The following AP3B1 variants were observed in gnomAD, a reference collection of about 807,000 sequenced individuals.
The protein encoded by AP3B1 is AP-3 complex subunit beta-1.
A neutral mutation model predicts 132.5 loss-of-function variants in AP3B1; 61 were observed. The observed-to-expected ratio is 0.46, with a 90% confidence interval of 0.37 to 0.57. The LOEUF is 0.57. AP3B1 is among the 20% of genes least tolerant of loss of function. AP3B1 has a pLI of 0.00. For synonymous variants in AP3B1, 388 were observed against 438.3 expected, an observed-to-expected ratio of 0.89 and a Z score of 1.43; for missense variants, 1,120 against 1,289.4, an observed-to-expected ratio of 0.87 and a Z score of 2.01.
At chr5:78,283,149 G>A (rs1463192021) in intron 1 of AP3B1, among the ~76,000 whole-genome samples, 1 of 152,106 alleles carries the variant, frequency 6.6e-6, no homozygotes, top group Non-Finnish European at 1.5e-5. Flanking sequence ...AATGAGTGTA[G>A]GTACATTATC....
intron 20 of AP3B1, among the ~76,000 whole-genome samples, chr5:78,104,823 A>G (rs1246540589): frequency 2.6e-5 from 4 of 152,146 alleles, no homozygotes; most frequent in African/African-American, 9.7e-5. Context: ...CACCTAAGAG[A>G]TTCACTCAGT....
intron 22 of AP3B1, among the ~76,000 whole-genome samples, chr5:78,067,623 C>T (rs1246068914): frequency 1.3e-5 from 2 of 152,148 alleles, no homozygotes; most frequent in African/African-American, 2.4e-5. Flanking sequence ...TCACTCGAAA[C>T]CACACAACTA....
At chr5:78,122,901 C>A (rs1469355571) in intron 17 of AP3B1, among the ~76,000 whole-genome samples, 2 of 152,158 alleles carry the variant, frequency 1.3e-5, no homozygotes, top group African/African-American at 4.8e-5. Flanking sequence ...CAATCCTAAG[C>A]CAAAAGAACA....
chr5:78,151,689 A>G (rs553895912), intron 14 of AP3B1, among the ~76,000 whole-genome samples: 2 of 152,224 alleles, frequency 1.3e-5, no homozygotes, highest in South Asian at 4.1e-4. Flanking sequence ...CATCCTGGTA[A>G]CCCTGGGATA....
chr5:78,280,107 A>G (rs1748988082), intron 1 of AP3B1, among the ~76,000 whole-genome samples: 2 of 150,384 alleles, frequency 1.3e-5, no homozygotes, highest in Admixed American at 1.3e-4. Context: ...TTCAAGAACT[A>G]TAAAGTAATA....
chr5:78,184,186 A>G (rs1261293306), intron 7 of AP3B1, among the ~76,000 whole-genome samples: 1 of 151,834 alleles, frequency 6.6e-6, no homozygotes, highest in Non-Finnish European at 1.5e-5. Context: ...AAAAAATTAT[A>G]AAGTTTAAAG....
intron 12 of AP3B1, among the ~76,000 whole-genome samples, chr5:78,163,454 A>G (rs1487259947): frequency 6.6e-6 from 1 of 152,084 alleles, no homozygotes; most frequent in Non-Finnish European, 1.5e-5. Flanking sequence ...TAAAAGAATA[A>G]TAGTTACGGT....
chr5:78,007,258 A>ACCTGGT, intron 26 of AP3B1, among the ~76,000 whole-genome samples: 1 of 152,216 alleles, frequency 6.6e-6, no homozygotes, highest in Admixed American at 6.5e-5. Context: ...TCACAAACAT[A>ACCTGGT]ACATTTTTTA....
chr5:78,246,911 G>C (rs1158981776), intron 2 of AP3B1, among the ~76,000 whole-genome samples: 2 of 151,996 alleles, frequency 1.3e-5, no homozygotes, highest in African/African-American at 4.8e-5. Flanking sequence ...TAGCTGCTCA[G>C]AGCACTGATT....
intron 3 of AP3B1, among the ~76,000 whole-genome samples, chr5:78,238,436 C>G (rs1746974929): frequency 1.3e-5 from 2 of 152,240 alleles, no homozygotes; most frequent in Admixed American, 1.3e-4. Context: ...CATCCTGAAG[C>G]CATCCTACCC....
chr5:78,049,222 C>G lies in AP3B1; in HGVS notation c.2578-9948G>C, dbSNP rs546658299. ...AAGTACGGCTTTGCCTTTCTTTGTC[C>G]TCTGACCCTATGTCTCCCTTGGGCA... On this transcript the variant is annotated intron_variant, in intron 22 of 26. Transcript: ENST00000255194. Among the ~76,000 whole-genome samples the G allele has an allele frequency of 2.6e-5, 4 of 152,290 alleles. No individual in the cohort carries two copies. In the East Asian group the frequency reaches 7.7e-4, roughly 29 times the overall value.
At chr5:78,087,696 T>A in intron 22 of AP3B1, 2 of 985,164 alleles carry the variant, frequency 2.0e-6, no homozygotes, top group Non-Finnish European at 2.4e-6. Context: ...AATAAATACT[T>A]TCCTTAGTAT....
intron 25 of AP3B1, among the ~76,000 whole-genome samples, chr5:78,017,156 T>C (rs1192226768): frequency 6.6e-6 from 1 of 152,064 alleles, no homozygotes; most frequent in Non-Finnish European, 1.5e-5. Flanking sequence ...ACTTGTTCTA[T>C]AAAAGACAAG....
At chr5:78,170,236 T>C (rs1188814226) in intron 11 of AP3B1, among the ~76,000 whole-genome samples, 2 of 152,208 alleles carry the variant, frequency 1.3e-5, no homozygotes, top group African/African-American at 2.4e-5. Context: ...TGTGTCTTTA[T>C]AGTAGCATGA....
At chr5:78,191,270 T>C (rs1327852819) in intron 7 of AP3B1, among the ~76,000 whole-genome samples, 1 of 145,104 alleles carries the variant, frequency 6.9e-6, no homozygotes, top group East Asian at 2.0e-4. Context: ...AAAAAAACAG[T>C]GATGAATTAT....
intron 22 of AP3B1, chr5:78,089,151 TAAC>T (rs1750403496): frequency 9.2e-6 from 4 of 434,812 alleles, no homozygotes; most frequent in African/African-American, 2.0e-5. Flanking sequence ...TACAGATATA[TAAC>T]AATACCAGAG....
intron 1 of AP3B1, among the ~76,000 whole-genome samples, chr5:78,286,145 T>TC (rs1046300989): frequency 2.6e-5 from 4 of 152,168 alleles, no homozygotes; most frequent in African/African-American, 9.6e-5. Context: ...CTAATTAATT[T>TC]CCCCCACATC....
chr5:78,050,022 C>G (rs1748513063), intron 22 of AP3B1, among the ~76,000 whole-genome samples: 1 of 152,158 alleles, frequency 6.6e-6, no homozygotes, highest in Non-Finnish European at 1.5e-5. Flanking sequence ...TCCTATTACT[C>G]TTGAACTCGT....
chr5:78,279,189 C>T (rs7700372), intron 1 of AP3B1, among the ~76,000 whole-genome samples: 1 of 152,104 alleles, frequency 6.6e-6, no homozygotes, highest in Non-Finnish European at 1.5e-5. Flanking sequence ...TGTAGTTACA[C>T]ATGAATGGGA....
Sources: allele counts gnomAD v4.1 joint callset (sites outside exome capture counted in the v4.1 genomes callset), GRCh38; gene constraint gnomAD v4.1.1; transcripts MANE v1.5; gene names NCBI Gene and HGNC (gene_info 2026-07-23, HGNC 2026-07-21).